Variants in PLSCR2 observed in about 807,000 individuals in gnomAD.
PLSCR2 encodes the protein phospholipid scramblase 2, also known as PL scramblase 2.
PLSCR2 carries 18 observed loss-of-function variants against 25.3 expected under a neutral mutation model. That is an observed-to-expected ratio of 0.71 (90% CI 0.49 to 1.06). The LOEUF (loss-of-function observed/expected upper bound fraction) is 1.06, where lower values mean the gene tolerates loss of function less well. Ranked by LOEUF, PLSCR2 falls within the 50% of genes least tolerant of loss-of-function variation. PLSCR2 has a pLI of 0.00. For synonymous variants in PLSCR2, 88 were observed against 87.3 expected (o/e 1.01, Z -0.04); for missense variants, 243 against 269.5 (o/e 0.90, Z 0.69).
chr3:146,464,580 G>T (rs1576693278), upstream of PLSCR2, among the ~76,000 whole-genome samples: 1 of 152,064 alleles, frequency 6.6e-6, no homozygotes, highest in African/African-American at 2.4e-5. Flanking sequence ...CTAAAACAAA[G>T]CAAAAGTTTG....
At chr3:146,419,397 A>G (rs895411549) in intron 2 of PLSCR2, among the ~76,000 whole-genome samples, 12 of 152,178 alleles carry the variant, frequency 7.9e-5, no homozygotes, top group African/African-American at 2.9e-4. Flanking sequence ...ATGCTCCTCA[A>G]AGTTCTTCCA....
intron 2 of PLSCR2, among the ~76,000 whole-genome samples, chr3:146,409,695 G>A (rs753113234): frequency 7.2e-5 from 11 of 152,248 alleles, no homozygotes; most frequent in Non-Finnish European, 1.5e-4. Flanking sequence ...GAAAAACCGA[G>A]AGAAAAATTC....
chr3:146,397,706 T>TA (rs1338837822), intron 2 of PLSCR2, among the ~76,000 whole-genome samples: 2 of 152,082 alleles, frequency 1.3e-5, no homozygotes, highest in Non-Finnish European at 1.5e-5. Flanking sequence ...CTCTGAAATA[T>TA]AAAAAAATGC....
downstream of PLSCR2, among the ~76,000 whole-genome samples, chr3:146,431,675 CAT>C (rs1301000059): frequency 3.9e-5 from 6 of 152,280 alleles, no homozygotes; most frequent in African/African-American, 1.2e-4. Context: ...AAGGAGCAAA[CAT>C]GTGGTAAAAC....
At chr3:146,479,103 A>G (rs563736042) in intron 1 of PLSCR2, among the ~76,000 whole-genome samples, 2 of 152,324 alleles carry the variant, frequency 1.3e-5, no homozygotes, top group South Asian at 2.1e-4. Context: ...AGCACTAAAC[A>G]TGGAAAGGAA....
At chr3:146,437,400 C>G (rs111439545), downstream of PLSCR2, among the ~76,000 whole-genome samples, 311 of 151,606 alleles carry the variant, frequency 2.1e-3, 1 homozygote, top group African/African-American at 7.1e-3. Context: ...TGAATCTGGT[C>G]CTGGACTTTT....
rs148204507 is a variant in PLSCR2, at chr3:146,481,839, G to T, written c.-293+14056C>A. Among the ~76,000 whole-genome samples the T allele has an allele frequency of 6.7e-3, 1,022 of 152,214 alleles. 12 individuals carry two copies. The highest frequency in any genetic ancestry group is 0.023 in the African/African-American group (968 of 41,530). On this transcript the variant is annotated intron_variant, in intron 1 of 8. Transcript: ENST00000336685. ...ACCTGACTTCAAATTATACTACAAG[G>T]TTACAGTAACCAAAACAGCATGCTA...
chr3:146,441,854 T>G, intron 6 of PLSCR2, 33 bp from the exon 7 acceptor site: 1 of 1,442,618 alleles, frequency 6.9e-7, no homozygotes, highest in Non-Finnish European at 9.7e-7. Context: ...AAATGAATTC[T>G]CAGAAACCAA....
upstream of PLSCR2, among the ~76,000 whole-genome samples, chr3:146,462,581 T>G (rs1417623388): frequency 2.0e-5 from 3 of 151,850 alleles, no homozygotes; most frequent in Non-Finnish European, 4.4e-5. Flanking sequence ...TTCTCGTGCC[T>G]CAGCCTCCCG....
intron 1 of PLSCR2, among the ~76,000 whole-genome samples, chr3:146,473,114 G>A (rs554826760): frequency 3.6e-4 from 55 of 152,120 alleles, no homozygotes; most frequent in Middle Eastern, 3.4e-3. Flanking sequence ...GACACCCTTT[G>A]TGACTTCCTG....
At chr3:146,439,135 G>A (rs576567040), downstream of PLSCR2, among the ~76,000 whole-genome samples, 241 of 152,240 alleles carry the variant, frequency 1.6e-3, no homozygotes, top group African/African-American at 5.4e-3. Context: ...AGTTTCTGCC[G>A]AGAGATCTGC....
At chr3:146,422,207 T>TA (rs752079009) in intron 2 of PLSCR2, among the ~76,000 whole-genome samples, 15 of 152,084 alleles carry the variant, frequency 9.9e-5, no homozygotes, top group Non-Finnish European at 1.5e-4. Flanking sequence ...TGTGATCTGG[T>TA]ATGAGTAATA....
At chr3:146,415,776 C>A (rs2038988627) in intron 2 of PLSCR2, among the ~76,000 whole-genome samples, 4 of 151,950 alleles carry the variant, frequency 2.6e-5, no homozygotes, top group Admixed American at 6.6e-5. Context: ...TAATTGTATT[C>A]AATGTAGTAC....
intron 3 of PLSCR2, among the ~76,000 whole-genome samples, chr3:146,456,595 T>A (rs1362859077): frequency 6.6e-6 from 1 of 152,182 alleles, no homozygotes; most frequent in Admixed American, 6.5e-5. Context: ...GGTTACAAAA[T>A]CTTGAAGTTT....
chr3:146,479,786 C>T (rs2043064672), intron 1 of PLSCR2, among the ~76,000 whole-genome samples: 1 of 152,212 alleles, frequency 6.6e-6, no homozygotes, highest in Non-Finnish European at 1.5e-5. Context: ...AATATACATT[C>T]TTCTCAGCAC....
At chr3:146,429,294 T>A (rs753610305), downstream of PLSCR2, among the ~76,000 whole-genome samples, 2 of 152,066 alleles carry the variant, frequency 1.3e-5, no homozygotes, top group Non-Finnish European at 1.5e-5. Context: ...CAAGGGAAAG[T>A]TTGGAACTCT....
At chr3:146,470,869 T>C (rs1382476567) in intron 1 of PLSCR2, among the ~76,000 whole-genome samples, 1 of 152,238 alleles carries the variant, frequency 6.6e-6, no homozygotes, top group Non-Finnish European at 1.5e-5. Flanking sequence ...TTTGCCTGTT[T>C]TCTAATCGGT....
chr3:146,393,549 G>A (rs931277981), intron 3 of PLSCR2, among the ~76,000 whole-genome samples: 4 of 151,222 alleles, frequency 2.6e-5, no homozygotes, highest in African/African-American at 9.7e-5. Flanking sequence ...AGTGGCTCAC[G>A]TCTGTAATCC....
At chr3:146,486,489 T>A (rs2043348625) in intron 1 of PLSCR2, among the ~76,000 whole-genome samples, 1 of 150,224 alleles carries the variant, frequency 6.7e-6, no homozygotes. Flanking sequence ...AAAGGGGATA[T>A]CACCAATGAC....
Sources: allele counts gnomAD v4.1 joint callset (sites outside exome capture counted in the v4.1 genomes callset), GRCh38; gene constraint gnomAD v4.1.1; transcripts MANE v1.5; gene names NCBI Gene and HGNC (gene_info 2026-07-23, HGNC 2026-07-21).